The following DOP1A variants were observed in gnomAD, a reference collection of about 807,000 sequenced individuals.
DOP1A encodes the protein DOP1 leucine zipper like protein A.
DOP1A carries 90 observed loss-of-function variants against 267.6 expected under a neutral mutation model. The observed-to-expected ratio is 0.34, with a 90% CI of 0.28 to 0.40. The LOEUF (loss-of-function observed/expected upper bound fraction) is 0.40. Among genes scored for constraint, DOP1A ranks in the 10% least tolerant of loss-of-function variants. The probability of loss-of-function intolerance (pLI) is 1.00; values close to 1 mark genes in which losing one functional copy is unlikely to be tolerated. For missense variants in DOP1A, 2,437 were observed against 2,900.4 expected (o/e 0.84, Z 3.67); for synonymous variants, 932 against 999.1 (o/e 0.93, Z 1.27).
In DOP1A at chr6:83,140,019, A is replaced by G. The variant is rs142860446; in HGVS notation, c.5140A>G (p.Ile1714Val). 1.4e-5 allele frequency: 22 copies of G among 1,613,316 alleles called. No individual in the cohort carries two copies. The highest frequency in any genetic ancestry group is 1.7e-4 in the Middle Eastern group (1 of 6,056). The change falls in exon 22 of 39, where the codon ATT (isoleucine) becomes GTT (valine). Residue 1714 changes from isoleucine to valine, a missense_variant. By Grantham distance (29) the Ile-to-Val change is conservative. Around this residue, in one of 9 missense-constraint regions of DOP1A, gnomAD observed 307 missense variants for 308.6 expected, o/e 0.99. Coordinates refer to ENST00000349129, the MANE Select transcript of DOP1A (RefSeq NM_015018.4). ...SDSRPLWMAS[I>V]IPPDMILTLL... The stretch of plus-strand genomic sequence containing the variant: ...CTTCAGGCCTCTGTGGATGGCATCA[A>G]TTATTCCACCAGATATGATTCTTAC...
intron 34 of DOP1A, 126 bp downstream of exon 34, chr6:83,156,229 T>G: frequency 2.7e-6 from 2 of 736,428 alleles, no homozygotes; most frequent in Non-Finnish European, 4.2e-6. Context: ...ATTAGAAATT[T>G]TTCTACTGAA....
At chr6:83,156,402 G>A (rs1342976139) in intron 34 of DOP1A, among the ~76,000 whole-genome samples, 2 of 152,308 alleles carry the variant, frequency 1.3e-5, no homozygotes, top group South Asian at 2.1e-4. Flanking sequence ...ATGTTAGCAT[G>A]TTCTCCTTGT....
At chr6:83,118,455 T>C (rs1033114533) in intron 7 of DOP1A, among the ~76,000 whole-genome samples, 2 of 152,202 alleles carry the variant, frequency 1.3e-5, no homozygotes, top group Non-Finnish European at 2.9e-5. Context: ...TTTAAAATAC[T>C]ACAAGATAAA....
At chr6:83,150,260 G>C (rs1324419526) in intron 27 of DOP1A, among the ~76,000 whole-genome samples, 1 of 152,158 alleles carries the variant, frequency 6.6e-6, no homozygotes, top group Non-Finnish European at 1.5e-5. Context: ...TGTAGTCCCA[G>C]CTACACAGGA....
At position 83,090,127 on chromosome 6, in the gene DOP1A, T is replaced by C. The variant is rs931374575; in HGVS notation, c.-146-6604T>C. Among the ~76,000 whole-genome samples, 5 of 152,336 alleles carry C rather than the reference T, an allele frequency of 3.3e-5. 1 individual carries two copies. Among genetic ancestry groups the C allele is most frequent in the Middle Eastern group, 6.8e-3 (2 of 294 alleles). On this transcript the variant is annotated intron_variant, in intron 1 of 38. Transcript: ENST00000349129. ...GCTTCCCAGTGTTGTTTTGATTTCGTAGGAAATAATGACGACAACTGTTTC... is the reference window on the plus strand; with the variant it reads ...GCTTCCCAGTGTTGTTTTGATTTCGCAGGAAATAATGACGACAACTGTTTC...
chr6:83,167,868 C>G lies in DOP1A; in HGVS notation c.7099C>G (p.Pro2367Ala). Residue 2367 changes from proline to alanine, a missense_variant, in exon 39 of 39, where the codon CCA (proline) becomes GCA (alanine). Physicochemically the swap from Pro to Ala is conservative, Grantham distance 27. This residue lies in a region of DOP1A where 197 missense variants were observed against 246.5 expected (regional missense o/e 0.80). Coordinates refer to ENST00000349129, the MANE Select transcript of DOP1A (RefSeq NM_015018.4). The stretch of plus-strand genomic sequence containing the variant: ...CACTTTTTGTTTTCTGCAGAAAAAT[C>G]CAGAGGAAGACAACTCAGGGAGAAC... ...KLLRKRAKKNPEEDNSGRTLG... is the reference protein window; with the variant it reads ...KLLRKRAKKNAEEDNSGRTLG... 1 of 1,602,500 alleles carries G rather than the reference C, an allele frequency of 6.2e-7. No individual in the cohort carries two copies. The highest frequency in any genetic ancestry group is 8.5e-7 in the Non-Finnish European group (1 of 1,173,410).
rs1443691459 is a variant in DOP1A at position 83,157,361 on chromosome 6, A to C, written c.6741+43A>C. 1.9e-6 allele frequency: 3 copies of C among 1,591,214 alleles called. No individual in the cohort carries two copies. The Admixed American group carries it at 5.0e-5, about 27-fold the overall frequency. ...CAGTCAGGTTATAAATCTAAATGATAAAACAGTGATTAGTTTCCATGTGCT... is the reference window on the plus strand; with the variant it reads ...CAGTCAGGTTATAAATCTAAATGATCAAACAGTGATTAGTTTCCATGTGCT... On this transcript the variant is annotated intron_variant, in intron 35 of 38. Transcript: ENST00000349129.
At chr6:83,162,417 T>C (rs1024714452) in intron 37 of DOP1A, among the ~76,000 whole-genome samples, 7 of 152,184 alleles carry the variant, frequency 4.6e-5, no homozygotes, top group Admixed American at 1.3e-4. Context: ...CAGACTGTTA[T>C]GTTGCAGTAC....
rs758814188 is a variant in DOP1A, at chr6:83,100,685, A to G, written c.139-20A>G. 2.8e-6 allele frequency: 4 copies of G among 1,432,364 alleles called. No homozygotes were observed. The highest frequency in any genetic ancestry group is 1.8e-4 in the Middle Eastern group (1 of 5,416). 88.7% of individuals were successfully genotyped at this position (1,432,364 alleles called of 1,614,324 possible). A position where few individuals can be genotyped will look rare whatever the true frequency, so the allele number is the denominator to read the frequency against. ...GCAATATTTTGTTTTTCTCAACTAC[A>G]TTAAAATGCTTTCTTCAAGGTTTTA... On this transcript the variant is annotated intron_variant, in intron 3 of 38. Transcript: ENST00000349129.
rs1786381967 is a variant in DOP1A at position 83,168,461 on chromosome 6, T to C, written c.*294T>C. ...AAACCTGCAAAATATACACTACCCA[T>C]TTTTTTTTTCCATTGGTTTCAGACT... On this transcript the variant is annotated 3_prime_UTR_variant, in exon 39 of 39. Transcript: ENST00000349129. The C allele has an allele frequency of 1.0e-6, 1 of 960,688 alleles. No individual in the cohort carries two copies. Among genetic ancestry groups the C allele is most frequent in the Non-Finnish European group, 1.3e-6 (1 of 795,988 alleles). 59.5% of individuals were successfully genotyped at this position (960,688 alleles called of 1,614,324 possible).
chr6:83,124,903 C>T (rs1393767707), intron 13 of DOP1A, 84 bp downstream of exon 13: 2 of 1,084,730 alleles, frequency 1.8e-6, no homozygotes, highest in Non-Finnish European at 2.7e-6. Flanking sequence ...CCTTCAGATA[C>T]ATTTCATCTT....
At chr6:83,132,386 A>ACACAC in intron 18 of DOP1A, 58 bp downstream of exon 18, 1 of 768,810 alleles carries the variant, frequency 1.3e-6, no homozygotes, top group South Asian at 2.8e-5. Context: ...CACACACACA[A>ACACAC]ATACTGAAAA....
chr6:83,153,585 T>C lies in DOP1A; in HGVS notation c.6204T>C (p.Ile2068=), dbSNP rs1782153122. The change falls in exon 31 of 39, where the codon ATT becomes ATC. Residue 2068 remains isoleucine (I), a synonymous_variant. Transcript: ENST00000349129. ...KERVIPLLVN[I]MHYVVPYLRN... ...GGGTTATTCCTTTACTTGTAAATAT[T>C]ATGCATTATGTTGTGCCCTACCTCA... 6.2e-7 allele frequency: 1 copy of C among 1,609,460 alleles called. No homozygotes were observed. Among genetic ancestry groups the C allele is most frequent in the African/African-American group, 1.3e-5 (1 of 74,782 alleles).
At chr6:83,095,270 G>T (rs1484725813) in intron 1 of DOP1A, among the ~76,000 whole-genome samples, 1 of 152,122 alleles carries the variant, frequency 6.6e-6, no homozygotes, top group Non-Finnish European at 1.5e-5. Flanking sequence ...CCTAGCCACA[G>T]GTCACAAAGA....
At chr6:83,100,979 A>G in intron 4 of DOP1A, 93 bp downstream of exon 4, 1 of 808,914 alleles carries the variant, frequency 1.2e-6, no homozygotes, top group East Asian at 3.4e-5. Context: ...CTAAAAATTG[A>G]AAACTCCTTA....
intron 7 of DOP1A, among the ~76,000 whole-genome samples, chr6:83,117,262 T>C (rs904542034): frequency 6.6e-5 from 10 of 151,990 alleles, no homozygotes; most frequent in Non-Finnish European, 1.2e-4. Flanking sequence ...GTGATTCTCC[T>C]GCCTCAGCCT....
rs1778518099 is a variant in DOP1A at position 83,134,174 on chromosome 6, T to C, written c.2770-13T>C. 1 of 1,608,460 alleles carries C rather than the reference T, an allele frequency of 6.2e-7. No individual in the cohort carries two copies. Among genetic ancestry groups the C allele is most frequent in the African/African-American group, 1.3e-5 (1 of 74,696 alleles). ...GAGAAGAACATAATTTAAGCTCCCATGTTTCTCCTCAGAAAATAAGGATGG... is the reference window on the plus strand; with the variant it reads ...GAGAAGAACATAATTTAAGCTCCCACGTTTCTCCTCAGAAAATAAGGATGG... On this transcript the variant is annotated splice_polypyrimidine_tract_variant and intron_variant, in intron 18 of 38. Coordinates refer to ENST00000349129, the MANE Select transcript of DOP1A (RefSeq NM_015018.4).
At chr6:83,136,782 C>T (rs2128261424) in intron 20 of DOP1A, among the ~76,000 whole-genome samples, 1 of 152,212 alleles carries the variant, frequency 6.6e-6, no homozygotes, top group South Asian at 2.1e-4. Context: ...GAGATCAGTG[C>T]CAGACCTCAT....
At chr6:83,119,644 G>A in intron 8 of DOP1A, 104 bp from the exon 9 acceptor site, 2 of 780,892 alleles carry the variant, frequency 2.6e-6, no homozygotes, top group Non-Finnish European at 4.3e-6. Flanking sequence ...GCTACTAATT[G>A]GTAAGTGTTT....
Sources: gnomAD v4.1 joint callset for allele counts (sites outside exome capture counted in the v4.1 genomes callset) on GRCh38, gnomAD v4.1.1 for gene constraint, gnomAD v4.1.1 regional missense constraint, MANE v1.5 for transcripts, NCBI Gene and HGNC (gene_info 2026-07-23, HGNC 2026-07-21) for gene names.